Variants in DNM1L observed in about 807,000 individuals in gnomAD.
The protein encoded by DNM1L is dynamin 1L.
Under a neutral mutation model 92.8 loss-of-function variants are expected in DNM1L, and 33 were observed. The observed-to-expected ratio is 0.36, with a 90% CI of 0.27 to 0.48. DNM1L has a LOEUF of 0.48. DNM1L is among the 20% of genes least tolerant of loss of function. The pLI, the probability that DNM1L is intolerant of heterozygous loss-of-function variation, is 0.99. For synonymous variants in DNM1L, 284 were observed against 305.0 expected (o/e 0.93, Z 0.72); for missense variants, 485 against 888.8 (o/e 0.55, Z 5.78).
intron 9 of DNM1L, chr12:32,725,354 A>T (rs536580545): frequency 6.6e-6 from 1 of 152,354 alleles, no homozygotes; most frequent in African/African-American, 2.4e-5. Context: ...CCAGGGAAGC[A>T]GAAGGTAGAC....
chr12:32,736,220 C>T (rs968200313), intron 13 of DNM1L, among the ~76,000 whole-genome samples: 3 of 151,610 alleles, frequency 2.0e-5, no homozygotes, highest in Non-Finnish European at 2.9e-5. Flanking sequence ...TACAGGTGTG[C>T]GGCACCATGC....
At chr12:32,696,383 A>C (rs7973721) in intron 1 of DNM1L, among the ~76,000 whole-genome samples, 6 of 145,010 alleles carry the variant, frequency 4.1e-5, no homozygotes, top group Non-Finnish European at 6.1e-5. Flanking sequence ...CACACACACA[A>C]ACACACACAC....
At chr12:32,732,342 C>A (rs900199711) in intron 12 of DNM1L, among the ~76,000 whole-genome samples, 5 of 152,176 alleles carry the variant, frequency 3.3e-5, no homozygotes, top group African/African-American at 1.2e-4. Flanking sequence ...AATCTGGCCA[C>A]TTCTGCAGTT....
At chr12:32,722,283 C>A in intron 8 of DNM1L, 144 bp from the exon 9 acceptor site, 1 of 724,478 alleles carries the variant, frequency 1.4e-6, no homozygotes, top group Non-Finnish European at 2.3e-6. Flanking sequence ...GAAATGAAGA[C>A]AAAGACCAAA....
rs1302310690 is a variant in DNM1L, at chr12:32,743,673, CTTAAA to C, written c.*264_*268del. The stretch of plus-strand genomic sequence containing the variant: ...TTGTGACAGTTTCATCTGAACTTAA[CTTAAA>C]AACAACTGTTAATGTTCTAGTTGTG... On this transcript the variant is annotated 3_prime_UTR_variant, in exon 20 of 20. Coordinates refer to ENST00000549701, the MANE Select transcript of DNM1L (RefSeq NM_012062.5). 3 of 475,332 alleles carry C rather than the reference CTTAAA, an allele frequency of 6.3e-6. No individual in the cohort carries two copies. Among genetic ancestry groups the C allele is most frequent in the Non-Finnish European group, 7.5e-6 (2 of 265,684 alleles). The allele number at this position is 475,332 out of a possible 1,614,324, so 29.4% of individuals were successfully genotyped here.
intron 5 of DNM1L, among the ~76,000 whole-genome samples, chr12:32,712,357 C>T (rs1000891726): frequency 6.6e-6 from 1 of 152,092 alleles, no homozygotes; most frequent in Non-Finnish European, 1.5e-5. Flanking sequence ...GGAATTTCTT[C>T]CCCCAGATGT....
At chr12:32,702,103 A>G (rs997572857) in intron 2 of DNM1L, among the ~76,000 whole-genome samples, 4 of 151,552 alleles carry the variant, frequency 2.6e-5, no homozygotes, top group Admixed American at 2.6e-4. Context: ...ATTTGGTGGC[A>G]CTTGCCTGTA....
chr12:32,685,711 C>T (rs933243734), intron 1 of DNM1L, among the ~76,000 whole-genome samples: 7 of 151,820 alleles, frequency 4.6e-5, no homozygotes, highest in African/African-American at 1.7e-4. Flanking sequence ...TTCTGCACAT[C>T]CTTATCAACA....
intron 18 of DNM1L, 47 bp from the exon 19 acceptor site, chr12:32,742,542 A>T (rs760561139): frequency 6.2e-7 from 1 of 1,612,786 alleles, no homozygotes; most frequent in East Asian, 2.2e-5. Flanking sequence ...CAAATTGTTA[A>T]AAGTAGAATT....
chr12:32,743,175 A>T (rs969733964), intron 19 of DNM1L, among the ~76,000 whole-genome samples, 179 bp from the exon 20 acceptor site: 1 of 152,052 alleles, frequency 6.6e-6, no homozygotes, highest in African/African-American at 2.4e-5. Context: ...GATTACAGGC[A>T]TGAGCCACTG....
At chr12:32,718,000 TATA>T (rs1398525242) in intron 6 of DNM1L, among the ~76,000 whole-genome samples, 4,334 of 117,402 alleles carry the variant, frequency 0.037, 148 homozygotes, top group Middle Eastern at 0.058. Context: ...GTATAGTATA[TATA>T]ATATATATAG....
chr12:32,692,455 A>G (rs1467224052), intron 1 of DNM1L: 1 of 152,268 alleles, frequency 6.6e-6, no homozygotes, highest in Non-Finnish European at 1.5e-5. Flanking sequence ...ATATTTTCCA[A>G]GAAGTGACTC....
Position 32,740,069 on chromosome 12 carries a change from A to C in DNM1L, c.1713A>C (p.Ala571=), listed in dbSNP as rs991389776. 1.9e-6 allele frequency: 3 copies of C among 1,614,062 alleles called. No homozygotes were observed. Among genetic ancestry groups the C allele is most frequent in the African/African-American group, 2.7e-5 (2 of 74,940 alleles). ...QDSRRETKNV[A]SGGGGVGDGV... Reference sequence around the variant, plus strand: ...TTTGGAACATGTTTTTTCAGGTTGCATCTGGAGGTGGTGGGGTTGGAGATG... The same window carrying C: ...TTTGGAACATGTTTTTTCAGGTTGCCTCTGGAGGTGGTGGGGTTGGAGATG... Residue 571 remains alanine (A), a synonymous_variant, in exon 17 of 20, where the codon GCA becomes GCC. Transcript: ENST00000549701.
chr12:32,683,181 C>T (rs1019998094), intron 1 of DNM1L, among the ~76,000 whole-genome samples: 1 of 152,158 alleles, frequency 6.6e-6, no homozygotes, highest in Non-Finnish European at 1.5e-5. Context: ...TTTCAGCATT[C>T]TATCTTCAGT....
intron 1 of DNM1L, among the ~76,000 whole-genome samples, chr12:32,689,210 T>A (rs1952137219): frequency 6.6e-6 from 1 of 152,174 alleles, no homozygotes; most frequent in African/African-American, 2.4e-5. Flanking sequence ...TTTTATTTTA[T>A]TTTTGAGGCA....
In DNM1L at chr12:32,713,469, T is replaced by C. The variant is rs7958074; in HGVS notation, c.619+98T>C. On this transcript the variant is annotated intron_variant, in intron 6 of 19. Coordinates refer to ENST00000549701, the MANE Select transcript of DNM1L (RefSeq NM_012062.5). ...CTCTTTAAAAACAGTATCTCTGGTTTTGAATACAAATTTAAAAGATAATGC... is the reference window on the plus strand; with the variant it reads ...CTCTTTAAAAACAGTATCTCTGGTTCTGAATACAAATTTAAAAGATAATGC... 0.13 allele frequency: 170,933 copies of C among 1,287,006 alleles called. 11,889 individuals are homozygous for C. The highest frequency in any genetic ancestry group is 0.18 in the Middle Eastern group (958 of 5,348). 79.7% of individuals were successfully genotyped at this position (1,287,006 alleles called of 1,614,324 possible). A position where few individuals can be genotyped will look rare whatever the true frequency, so the allele number is the denominator to read the frequency against.
intron 6 of DNM1L, among the ~76,000 whole-genome samples, chr12:32,718,053 C>G (rs1953616890): frequency 8.0e-6 from 1 of 124,502 alleles, no homozygotes; most frequent in Non-Finnish European, 1.6e-5. Flanking sequence ...ACTATATATA[C>G]TATACATATT....
intron 1 of DNM1L, among the ~76,000 whole-genome samples, chr12:32,686,476 C>A (rs776146337): frequency 7.9e-5 from 12 of 152,172 alleles, no homozygotes; most frequent in African/African-American, 2.9e-4. Context: ...CCTCTTCTTT[C>A]TTTTCCATTT....
intron 6 of DNM1L, among the ~76,000 whole-genome samples, chr12:32,714,387 C>T (rs1336699307): frequency 1.3e-5 from 2 of 151,566 alleles, no homozygotes; most frequent in Non-Finnish European, 2.9e-5. Flanking sequence ...ATTCTCCTGC[C>T]TCAGCCTCCT....
Sources: allele counts gnomAD v4.1 joint callset (sites outside exome capture counted in the v4.1 genomes callset), GRCh38; gene constraint gnomAD v4.1.1; transcripts MANE v1.5; gene names NCBI Gene and HGNC (gene_info 2026-07-23, HGNC 2026-07-21).